Variants in SMARCA1 observed in about 807,000 individuals in gnomAD.
SMARCA1 encodes SWI/SNF-related matrix-associated actin-dependent regulator of chromatin subfamily A member 1.
SMARCA1 carries 17 observed loss-of-function variants against 93.6 expected under a neutral mutation model. That is an observed-to-expected ratio of 0.18 (90% CI 0.12 to 0.27). The LOEUF (loss-of-function observed/expected upper bound fraction) is 0.27. Among genes scored for constraint, SMARCA1 ranks in the 10% least tolerant of loss-of-function variants. The probability of loss-of-function intolerance (pLI) is 1.00; values close to 1 mark genes in which losing one functional copy is unlikely to be tolerated. For missense variants in SMARCA1, 630 were observed against 819.0 expected, an observed-to-expected ratio of 0.77 and a Z score of 2.82; for synonymous variants, 271 against 271.4, an observed-to-expected ratio of 1.00 and a Z score of 0.01.
chrX:129,452,999 TA>T (rs1462263495), intron 23 of SMARCA1, among the ~76,000 whole-genome samples: 1 of 111,657 alleles, frequency 9.0e-6, no homozygotes, highest in Non-Finnish European at 1.9e-5. Flanking sequence ...GTTACTATCA[TA>T]ATCATTGTGA....
At position 129,516,429 on chromosome X, in the gene SMARCA1, C is replaced by T. The variant is rs1935204575; in HGVS notation, c.330G>A (p.Gln110=). 8.3e-7 allele frequency: 1 copy of T among 1,206,740 alleles called. No homozygotes were observed. The highest frequency in any genetic ancestry group is 1.1e-6 in the Non-Finnish European group (1 of 892,652). ...ATGTTGGAGATTTCTGTGCTGAAGG[C>T]TGAATGAAATGTGCAAAAAGTTCTG... The part of the protein sequence containing the change: ...KQTELFAHFI[Q]PSAQKSPTSP... The change falls in exon 3 of 25, where the codon CAG becomes CAA. Residue 110 remains glutamine, a synonymous_variant. Coordinates refer to ENST00000371121, the MANE Select transcript of SMARCA1 (RefSeq NM_001282874.2).
At chrX:129,452,906 T>C (rs1263360120) in intron 23 of SMARCA1, among the ~76,000 whole-genome samples, 1 of 112,304 alleles carries the variant, frequency 8.9e-6, no homozygotes, top group Non-Finnish European at 1.9e-5. Context: ...TGTCTCTGTG[T>C]CACATGTTGG....
intron 20 of SMARCA1, among the ~76,000 whole-genome samples, chrX:129,470,811 G>A (rs1348881157): frequency 2.7e-5 from 3 of 111,757 alleles, no homozygotes; most frequent in Non-Finnish European, 5.6e-5. Flanking sequence ...GGAGGATACA[G>A]TGAGCTCAGA....
chrX:129,466,497 A>G (rs1024205842), intron 21 of SMARCA1, among the ~76,000 whole-genome samples: 7 of 110,829 alleles, frequency 6.3e-5, no homozygotes, highest in African/African-American at 3.3e-5. Flanking sequence ...TCTACTAAAA[A>G]TACAAAAATT....
chrX:129,481,966 T>G (rs1159163243), intron 17 of SMARCA1, among the ~76,000 whole-genome samples: 2 of 101,831 alleles, frequency 2.0e-5, no homozygotes, highest in Non-Finnish European at 2.0e-5. Context: ...ATTAAGAAAA[T>G]GTGGCACATA....
chrX:129,508,740 T>C (rs1934916550), intron 6 of SMARCA1, among the ~76,000 whole-genome samples: 1 of 112,520 alleles, frequency 8.9e-6, no homozygotes, highest in Non-Finnish European at 1.9e-5. Flanking sequence ...TAAAACTATT[T>C]TTAAGTCTTC....
intron 2 of SMARCA1, among the ~76,000 whole-genome samples, chrX:129,517,336 G>A (rs1343879642): frequency 9.1e-6 from 1 of 109,674 alleles, no homozygotes; most frequent in Non-Finnish European, 1.9e-5. Flanking sequence ...TCTAGATAAA[G>A]GAAAAAATAA....
chrX:129,472,911 A>G (rs1368089734), intron 19 of SMARCA1, among the ~76,000 whole-genome samples: 1 of 111,690 alleles, frequency 9.0e-6, no homozygotes, highest in Non-Finnish European at 1.9e-5. Context: ...GGGAAACTCT[A>G]CCTATATTAG....
Position 129,451,686 on chromosome X carries a change from T to C in SMARCA1, c.3031-3243A>G, listed in dbSNP as rs111652448. 4.7e-5 allele frequency among the ~76,000 whole-genome samples: 5 copies of C among 107,055 alleles called. No homozygotes were observed. The East Asian group carries it at 8.8e-4, about 19-fold the overall frequency. 93.0% of individuals were successfully genotyped at this position (107,055 alleles called of 115,157 possible). On this transcript the variant is annotated intron_variant, in intron 23 of 24. Transcript: ENST00000371121. ...CACACAGGTCATGTCATGTTCTCTA[T>C]AGATACCAGCTCCATTTTTTTTTTT...
intron 20 of SMARCA1, among the ~76,000 whole-genome samples, chrX:129,469,856 C>A (rs892664623): frequency 8.9e-6 from 1 of 111,811 alleles, no homozygotes; most frequent in Non-Finnish European, 1.9e-5. Context: ...CATTCTAAAG[C>A]CATAACTTTA....
chrX:129,492,940 A>T (rs1934186876), intron 13 of SMARCA1, 100 bp downstream of exon 13: 1 of 336,218 alleles, frequency 3.0e-6, no homozygotes. Flanking sequence ...GGGCGGTGAG[A>T]CGGGCACTCT....
intron 16 of SMARCA1, among the ~76,000 whole-genome samples, chrX:129,488,589 C>T: frequency 1.3e-5 from 1 of 75,937 alleles, no homozygotes; most frequent in East Asian, 4.1e-4. Flanking sequence ...GCCTGGGTGA[C>T]AGAGCAAAAC....
intron 22 of SMARCA1, 24 bp from the exon 23 acceptor site, chrX:129,465,756 C>T (rs1044112909): frequency 9.1e-7 from 1 of 1,096,266 alleles, no homozygotes; most frequent in Non-Finnish European, 1.2e-6. Flanking sequence ...CAAAATAGTG[C>T]TTTTAATTGA....
intron 23 of SMARCA1, among the ~76,000 whole-genome samples, chrX:129,453,426 A>C (rs1401893082): frequency 8.9e-6 from 1 of 111,891 alleles, no homozygotes; most frequent in African/African-American, 3.2e-5. Context: ...TATTCAACAC[A>C]GTATTGGAAG....
intron 20 of SMARCA1, 46 bp downstream of exon 20, chrX:129,471,158 T>C: frequency 9.2e-7 from 1 of 1,081,248 alleles, no homozygotes; most frequent in Non-Finnish European, 1.2e-6. Context: ...TTTTCTTTTT[T>C]TCTATTGATT....
At chrX:129,481,520 G>A (rs926803600) in intron 17 of SMARCA1, among the ~76,000 whole-genome samples, 1 of 111,923 alleles carries the variant, frequency 8.9e-6, no homozygotes, top group African/African-American at 3.2e-5. Flanking sequence ...CATTGACTGT[G>A]GTAACTGTAA....
chrX:129,475,448 G>A (rs1269689849), intron 19 of SMARCA1, among the ~76,000 whole-genome samples: 1 of 111,007 alleles, frequency 9.0e-6, no homozygotes, highest in East Asian at 2.8e-4. Flanking sequence ...GAACCCAGGA[G>A]ATGGAGGTTG....
At position 129,523,147 on chromosome X, in the gene SMARCA1, G is replaced by C. The variant is rs373642944; in HGVS notation, c.174+50C>G. ...AGGTCAGGGTTTGGGCCCCTCAGAG[G>C]GGCCAGGCACAGGATTTGTCCACCA... is the stretch of plus-strand genomic sequence containing the variant. On this transcript the variant is annotated intron_variant, in intron 1 of 24. Coordinates refer to ENST00000371121, the MANE Select transcript of SMARCA1 (RefSeq NM_001282874.2). The C allele has an allele frequency of 1.8e-4, 215 of 1,178,650 alleles. 1 individual carries two copies. In the Middle Eastern group the frequency reaches 2.8e-3, roughly 15 times the overall value.
At chrX:129,484,698 G>A (rs1015747969) in intron 17 of SMARCA1, among the ~76,000 whole-genome samples, 8 of 111,785 alleles carry the variant, frequency 7.2e-5, no homozygotes, top group Non-Finnish European at 1.5e-4. Flanking sequence ...ATAAATAACT[G>A]AAGACACAAA....
Sources: allele counts gnomAD v4.1 joint callset (sites outside exome capture counted in the v4.1 genomes callset), GRCh38; gene constraint gnomAD v4.1.1; transcripts MANE v1.5; gene names NCBI Gene and HGNC (gene_info 2026-07-23, HGNC 2026-07-21).